The following KALRN variants were observed in gnomAD, a reference collection of about 807,000 sequenced individuals.
KALRN encodes kalirin.
A neutral mutation model predicts 353.7 loss-of-function variants in KALRN; 70 were observed. The observed-to-expected ratio is 0.20, with a 90% CI of 0.16 to 0.24. The LOEUF (loss-of-function observed/expected upper bound fraction) is 0.24. Among genes scored for constraint, KALRN ranks in the 10% least tolerant of loss-of-function variants. The probability of loss-of-function intolerance (pLI) is 1.00; values close to 1 mark genes in which losing one functional copy is unlikely to be tolerated. For missense variants in KALRN, 2,791 were observed against 3,756.7 expected, an observed-to-expected ratio of 0.74 and a Z score of 6.72; for synonymous variants, 1,391 against 1,434.8, an observed-to-expected ratio of 0.97 and a Z score of 0.69.
rs753877977 is a variant in KALRN, at chr3:124,398,916, C to T, written c.2346+45C>T. On this transcript the variant is annotated intron_variant, in intron 13 of 59. Transcript: ENST00000682506. The stretch of plus-strand genomic sequence containing the variant: ...GGAGGTGGAGAGGGGCCAAGAAGTG[C>T]TTCCTGGCCAAGGGCACTGCCCCAG... 3 of 1,553,508 alleles carry T rather than the reference C, an allele frequency of 1.9e-6. No homozygotes were observed. In the African/African-American group the frequency reaches 4.1e-5, roughly 21 times the overall value.
chr3:124,633,808 A>G (rs1298288516), intron 35 of KALRN, 44 bp from the exon 36 acceptor site: 3 of 1,546,440 alleles, frequency 1.9e-6, no homozygotes, highest in Non-Finnish European at 2.7e-6. Context: ...AACCACTGGC[A>G]TGTTTGTGAC....
intron 17 of KALRN, 84 bp downstream of exon 17, chr3:124,434,609 A>C: frequency 8.1e-7 from 1 of 1,228,608 alleles, no homozygotes. Flanking sequence ...TGCAGTGCTT[A>C]TGTCAGCGAG....
chr3:124,478,789 C>T (rs2061671088), intron 27 of KALRN, among the ~76,000 whole-genome samples: 1 of 152,194 alleles, frequency 6.6e-6, no homozygotes, highest in African/African-American at 2.4e-5. Flanking sequence ...TTCCACTTAG[C>T]ACTTTTCTGA....
chr3:124,310,982 A>T (rs993861141), intron 6 of KALRN, among the ~76,000 whole-genome samples: 2 of 150,648 alleles, frequency 1.3e-5, no homozygotes, highest in African/African-American at 4.9e-5. Flanking sequence ...ATATATACAG[A>T]TGGTCATAAG....
intron 25 of KALRN, among the ~76,000 whole-genome samples, chr3:124,472,105 G>A (rs2060974397): frequency 6.6e-6 from 1 of 152,034 alleles, no homozygotes; most frequent in South Asian, 2.1e-4. Flanking sequence ...TAGGTTTTTG[G>A]TAGCTGCTAT....
intron 6 of KALRN, among the ~76,000 whole-genome samples, chr3:124,308,350 C>A (rs2149282447): frequency 6.6e-6 from 1 of 151,968 alleles, no homozygotes; most frequent in East Asian, 1.9e-4. Flanking sequence ...AACACTCCAT[C>A]CAACAATAGC....
At chr3:124,272,782 C>T (rs2074302498) in intron 5 of KALRN, among the ~76,000 whole-genome samples, 1 of 152,144 alleles carries the variant, frequency 6.6e-6, no homozygotes, top group African/African-American at 2.4e-5. Flanking sequence ...TTTTAAGTTG[C>T]TTTAAGATTA....
intron 1 of KALRN, among the ~76,000 whole-genome samples, chr3:124,067,466 A>G (rs979681881): frequency 6.6e-6 from 1 of 152,168 alleles, no homozygotes; most frequent in African/African-American, 2.4e-5. Flanking sequence ...GGTTTATTAA[A>G]TCAATTTAAA....
At chr3:124,508,417 A>G (rs1256666582) in intron 33 of KALRN, among the ~76,000 whole-genome samples, 1 of 152,198 alleles carries the variant, frequency 6.6e-6, no homozygotes, top group Non-Finnish European at 1.5e-5. Context: ...TTATATGACT[A>G]GAATCATTCT....
rs1486920594 is a variant in KALRN at position 124,434,576 on chromosome 3, T to C, written c.3048+51T>C. On this transcript the variant is annotated intron_variant, in intron 17 of 59. Transcript: ENST00000682506. ...TGGGGCTGAGATTGCCAGGGGGCCA[T>C]TTTCTGCCTTGCAGTGTAAATGTGC... 3.8e-6 allele frequency: 6 copies of C among 1,561,710 alleles called. No homozygotes were observed. The East Asian group carries it at 1.3e-4, about 35-fold the overall frequency.
intron 6 of KALRN, 114 bp downstream of exon 6, chr3:124,299,027 C>A: frequency 1.5e-6 from 2 of 1,377,604 alleles, no homozygotes; most frequent in South Asian, 2.6e-5. Flanking sequence ...ACATGCTGAC[C>A]CTTTGGTGTT....
intron 51 of KALRN, among the ~76,000 whole-genome samples, chr3:124,683,391 G>A (rs1044921682): frequency 2.0e-5 from 3 of 152,092 alleles, no homozygotes; most frequent in Admixed American, 2.0e-4. Flanking sequence ...CCTTTGAAAA[G>A]TTGTCTGAGA....
chr3:124,097,036 G>T (rs1328771814), intron 1 of KALRN, among the ~76,000 whole-genome samples: 1 of 152,174 alleles, frequency 6.6e-6, no homozygotes, highest in Non-Finnish European at 1.5e-5. Context: ...GACTGTGTAG[G>T]GTGTCTGATT....
At chr3:124,145,196 ATCC>A (rs2067178787) in intron 1 of KALRN, among the ~76,000 whole-genome samples, 1 of 152,170 alleles carries the variant, frequency 6.6e-6, no homozygotes, top group Non-Finnish European at 1.5e-5. Context: ...CTCCAGACCT[ATCC>A]TCCTCCCTTT....
In KALRN at chr3:124,719,663, T is replaced by C; in HGVS notation, c.*193T>C. On this transcript the variant is annotated 3_prime_UTR_variant, in exon 60 of 60. Transcript: ENST00000682506. The surrounding 1 kb of genome is among the most constrained non-coding windows in gnomAD (Gnocchi z 5.3). ...AAAAGTCACCCTAAATCAAGGGGCTTTTCAGAAGGTCATTCTGAAGAAATA... is the reference window on the plus strand; with the variant it reads ...AAAAGTCACCCTAAATCAAGGGGCTCTTCAGAAGGTCATTCTGAAGAAATA... 1 of 575,812 alleles carries C rather than the reference T, an allele frequency of 1.7e-6. No homozygotes were observed. The highest frequency in any genetic ancestry group is 3.1e-5 in the Admixed American group (1 of 32,280). 35.7% of individuals were successfully genotyped at this position (575,812 alleles called of 1,614,324 possible).
chr3:124,132,656 A>T (rs1560036756), intron 1 of KALRN, among the ~76,000 whole-genome samples: 2 of 152,142 alleles, frequency 1.3e-5, no homozygotes, highest in Non-Finnish European at 2.9e-5. Flanking sequence ...TGTGTCTGGG[A>T]AGGAACCAGG....
intron 1 of KALRN, among the ~76,000 whole-genome samples, chr3:124,146,083 G>A (rs1204777600): frequency 6.6e-6 from 1 of 152,208 alleles, no homozygotes; most frequent in Non-Finnish European, 1.5e-5. Flanking sequence ...GGCACTCAGA[G>A]AGCATACAAT....
intron 33 of KALRN, among the ~76,000 whole-genome samples, chr3:124,533,407 C>T (rs538631668): frequency 4.6e-5 from 7 of 152,066 alleles, no homozygotes; most frequent in South Asian, 2.1e-4. Flanking sequence ...TTTGGTAAGC[C>T]GAGTTGAGCA....
At chr3:124,576,879 C>G (rs1358033382) in intron 34 of KALRN, among the ~76,000 whole-genome samples, 1 of 152,186 alleles carries the variant, frequency 6.6e-6, no homozygotes, top group Non-Finnish European at 1.5e-5. Flanking sequence ...CACTCTTATA[C>G]TGCCCTACTT....
Sources: allele counts gnomAD v4.1 joint callset (sites outside exome capture counted in the v4.1 genomes callset), GRCh38; gene constraint gnomAD v4.1.1; non-coding constraint Gnocchi (gnomAD v3.1); transcripts MANE v1.5; gene names NCBI Gene and HGNC (gene_info 2026-07-23, HGNC 2026-07-21).